The following SLC8A1 variants were observed in gnomAD, a reference collection of about 807,000 sequenced individuals.
SLC8A1 encodes sodium/calcium exchanger 1.
In SLC8A1, 18 loss-of-function variants were observed where a neutral mutation model predicts 68.3. The ratio of observed to expected loss-of-function variants is 0.26; its 90% CI spans 0.18 to 0.39. The LOEUF (loss-of-function observed/expected upper bound fraction) is 0.39, where lower values mean the gene tolerates loss of function less well. Ranked by LOEUF, SLC8A1 falls within the 10% of genes least tolerant of loss-of-function variation. The pLI is 1.00. For missense variants in SLC8A1, 985 were observed against 1,156.7 expected (o/e 0.85, Z 2.15); for synonymous variants, 475 against 415.5 (o/e 1.14, Z -1.74).
intron 2 of SLC8A1, among the ~76,000 whole-genome samples, chr2:40,341,493 C>A (rs1052946186): frequency 6.6e-6 from 1 of 152,076 alleles, no homozygotes; most frequent in African/African-American, 2.4e-5. Flanking sequence ...TGAAAGAGTT[C>A]CTTCTGTGGC....
intron 2 of SLC8A1, among the ~76,000 whole-genome samples, chr2:40,356,594 A>G (rs2149463560): frequency 7.5e-6 from 1 of 132,756 alleles, no homozygotes; most frequent in South Asian, 2.3e-4. Context: ...CGTATGGTCC[A>G]AGATACCAAG....
At chr2:40,327,363 A>G (rs967222252) in intron 2 of SLC8A1, among the ~76,000 whole-genome samples, 2 of 152,224 alleles carry the variant, frequency 1.3e-5, no homozygotes, top group African/African-American at 2.4e-5. Flanking sequence ...ACATTTTAAC[A>G]TTTCACATTA....
intron 2 of SLC8A1, among the ~76,000 whole-genome samples, chr2:40,358,120 A>C (rs1354182880): frequency 6.6e-6 from 1 of 151,712 alleles, no homozygotes; most frequent in Non-Finnish European, 1.5e-5. Flanking sequence ...TATGAATGGG[A>C]AACTGAAGAA....
intron 3 of SLC8A1, 125 bp from the exon 5 acceptor site, chr2:40,174,967 A>G: frequency 3.4e-6 from 3 of 891,930 alleles, no homozygotes; most frequent in Non-Finnish European, 5.3e-6. Context: ...AATTAAGAAG[A>G]CTAGGAAAAT....
intron 2 of SLC8A1, among the ~76,000 whole-genome samples, chr2:40,260,596 C>A (rs1206745853): frequency 6.6e-6 from 1 of 151,986 alleles, no homozygotes; most frequent in African/African-American, 2.4e-5. Context: ...CCCACAGTCA[C>A]TGGAGGAGAG....
intron 1 of SLC8A1, among the ~76,000 whole-genome samples, chr2:40,440,597 AGACAGAT>A (rs1271116765): frequency 6.6e-6 from 1 of 152,142 alleles, no homozygotes; most frequent in African/African-American, 2.4e-5. Context: ...CTAGCTGGGA[AGACAGAT>A]GACAGATGTT....
intron 1 of SLC8A1, among the ~76,000 whole-genome samples, chr2:40,478,079 C>T (rs1704401065): frequency 6.6e-6 from 1 of 152,070 alleles, no homozygotes; most frequent in African/African-American, 2.4e-5. Flanking sequence ...AGCTGTTTTA[C>T]TTTCTTTTTT....
At position 40,493,524 on chromosome 2, in the gene SLC8A1, A is replaced by T. The variant is rs187612467; in HGVS notation, c.-25+18825T>A. Among the ~76,000 whole-genome samples the T allele has an allele frequency of 2.5e-3, 367 of 149,142 alleles. 2 individuals are homozygous for T. The highest frequency in any genetic ancestry group is 7.4e-3 in the African/African-American group (296 of 39,936). The stretch of plus-strand genomic sequence containing the variant: ...AATAAAATAAAATAAAATAAAATTT[A>T]AAAAAAAAGAAGCTTAGGTTCAGAA... On this transcript the variant is annotated intron_variant, in intron 1 of 7. Coordinates refer to the SLC8A1 transcript ENST00000402441.
intron 2 of SLC8A1, among the ~76,000 whole-genome samples, chr2:40,256,756 A>C (rs2063990494): frequency 6.6e-6 from 1 of 152,200 alleles, no homozygotes; most frequent in Non-Finnish European, 1.5e-5. Context: ...CTTTCCCCAG[A>C]ACACACTTTA....
At chr2:40,193,661 G>A (rs2052343293) in intron 2 of SLC8A1, among the ~76,000 whole-genome samples, 1 of 152,084 alleles carries the variant, frequency 6.6e-6, no homozygotes, top group South Asian at 2.1e-4. Context: ...TTGCAAGAAG[G>A]AGCCAATGGG....
intron 2 of SLC8A1, among the ~76,000 whole-genome samples, chr2:40,220,706 A>T (rs1363226190): frequency 6.6e-6 from 1 of 151,026 alleles, no homozygotes. Context: ...CTTGGCTTGG[A>T]GCTCTCTCTA....
At chr2:40,148,538 A>C (rs971307159) in intron 6 of SLC8A1, among the ~76,000 whole-genome samples, 13 of 152,156 alleles carry the variant, frequency 8.5e-5, no homozygotes, top group African/African-American at 1.2e-4. Flanking sequence ...AAGTGATGGC[A>C]GTTGCTCAAG....
chr2:40,510,973 T>A (rs1424658137), intron 1 of SLC8A1, among the ~76,000 whole-genome samples: 1 of 152,176 alleles, frequency 6.6e-6, no homozygotes, highest in African/African-American at 2.4e-5. Flanking sequence ...AAGTAGTCAT[T>A]TCATCTGTAT....
chr2:40,440,192 A>G (rs1165875361), intron 1 of SLC8A1, among the ~76,000 whole-genome samples: 1 of 152,106 alleles, frequency 6.6e-6, no homozygotes, highest in Non-Finnish European at 1.5e-5. Context: ...TGTTTGAAAA[A>G]TTATTAAAAT....
intron 2 of SLC8A1, chr2:40,220,393 A>G (rs1178384476): frequency 6.6e-6 from 1 of 152,188 alleles, no homozygotes; most frequent in Non-Finnish European, 1.5e-5. Flanking sequence ...TTAGTGAGTC[A>G]TGTTTAAGCT....
intron 6 of SLC8A1, among the ~76,000 whole-genome samples, chr2:40,153,771 C>T (rs2043899274): frequency 6.6e-6 from 1 of 152,190 alleles, no homozygotes; most frequent in South Asian, 2.1e-4. Flanking sequence ...ACCACAAAAA[C>T]ATTCCTTATG....
intron 2 of SLC8A1, among the ~76,000 whole-genome samples, chr2:40,353,546 T>C (rs903769354): frequency 6.6e-6 from 1 of 151,926 alleles, no homozygotes; most frequent in East Asian, 1.9e-4. Context: ...ATTCTAATAT[T>C]ACAAGTGGAA....
intron 2 of SLC8A1, chr2:40,255,320 G>C (rs1239745863): frequency 2.0e-5 from 3 of 152,144 alleles, no homozygotes; most frequent in Non-Finnish European, 4.4e-5. Context: ...TGGAGATGCA[G>C]CCCATGGCAG....
chr2:40,506,189 C>T (rs531032996), intron 1 of SLC8A1, among the ~76,000 whole-genome samples: 1 of 148,458 alleles, frequency 6.7e-6, no homozygotes, highest in South Asian at 2.1e-4. Context: ...ATTTTGAAAA[C>T]TGTGATTTAG....
Sources: allele counts gnomAD v4.1 joint callset (sites outside exome capture counted in the v4.1 genomes callset), GRCh38; gene constraint gnomAD v4.1.1; transcripts MANE v1.5; gene names NCBI Gene and HGNC (gene_info 2026-07-23, HGNC 2026-07-21).